The following CFAP96 variants were observed in gnomAD, a reference collection of about 807,000 sequenced individuals.
CFAP96 encodes the protein cilia-and flagella-associated protein 96.
the CFAP96 span, among the ~76,000 whole-genome samples, chr4:185,434,232 C>CA: frequency 1.3e-5 from 2 of 151,710 alleles, no homozygotes; most frequent in Admixed American, 6.6e-5. Flanking sequence ...TGAAAAAAAA[C>CA]AAAAAAATAA....
chr4:185,416,991 AAAGT>A, the CFAP96 span, among the ~76,000 whole-genome samples: 2 of 152,224 alleles, frequency 1.3e-5, no homozygotes, highest in East Asian at 3.8e-4. Flanking sequence ...GATGAGGACT[AAAGT>A]AAGATACATA....
At chr4:185,416,153 A>G in the CFAP96 span, 22 of 209,504 alleles carry the variant, frequency 1.1e-4, no homozygotes, top group East Asian at 2.3e-3. Flanking sequence ...AAGCACAAAT[A>G]TTATTTTAAA....
chr4:185,432,197 A>G, the CFAP96 span: 1 of 1,550,534 alleles, frequency 6.4e-7, no homozygotes, highest in Non-Finnish European at 8.7e-7. Context: ...TGGAGAGAAA[A>G]AGCCGTAAGT....
chr4:185,426,146 G>A, the CFAP96 span: 2 of 522,416 alleles, frequency 3.8e-6, no homozygotes, highest in Non-Finnish European at 6.9e-6. Context: ...TGTGTTCTTC[G>A]ATGCGGATTC....
the CFAP96 span, among the ~76,000 whole-genome samples, chr4:185,448,109 C>T: frequency 6.6e-6 from 1 of 151,416 alleles, no homozygotes; most frequent in African/African-American, 2.4e-5. Flanking sequence ...CAACCTCTGC[C>T]TCCCAGGTTC....
chr4:185,434,263 C>G, the CFAP96 span, among the ~76,000 whole-genome samples: 1 of 152,072 alleles, frequency 6.6e-6, no homozygotes, highest in African/African-American at 2.4e-5. Context: ...GGGTTTTCTT[C>G]TTTAATTTCA....
At chr4:185,415,336 A>G in the CFAP96 span, 1 of 1,584,148 alleles carries the variant, frequency 6.3e-7, no homozygotes, top group South Asian at 1.2e-5. Flanking sequence ...ATCAACCAGG[A>G]GTTTACGAAC....
chr4:185,430,993 CA>C, the CFAP96 span, among the ~76,000 whole-genome samples: 1 of 151,968 alleles, frequency 6.6e-6, no homozygotes, highest in South Asian at 2.1e-4. Context: ...GGGTGGATCA[CA>C]AGGTCAGGAG....
chr4:185,440,672 A>T, the CFAP96 span: 1 of 1,505,102 alleles, frequency 6.6e-7, no homozygotes, highest in South Asian at 1.2e-5. Flanking sequence ...AGAAGAGAAG[A>T]AGAAAACAAT....
chr4:185,412,011 T>G, the CFAP96 span, among the ~76,000 whole-genome samples: 1 of 152,194 alleles, frequency 6.6e-6, no homozygotes, highest in Admixed American at 6.5e-5. Flanking sequence ...TAATAGTTCC[T>G]CCTGGAACTG....
the CFAP96 span, among the ~76,000 whole-genome samples, chr4:185,446,985 C>T: frequency 6.6e-6 from 1 of 152,046 alleles, no homozygotes; most frequent in Admixed American, 6.6e-5. Context: ...ACCTACTCTA[C>T]TACATTGCTG....
At chr4:185,410,509 C>T in the CFAP96 span, among the ~76,000 whole-genome samples, 5 of 151,958 alleles carry the variant, frequency 3.3e-5, no homozygotes, top group South Asian at 4.2e-4. Context: ...ATTAGCCAGG[C>T]GTATGGCTAT....
chr4:185,443,340 A>T, the CFAP96 span, among the ~76,000 whole-genome samples: 3,802 of 28,332 alleles, frequency 0.13, 150 homozygotes, highest in East Asian at 0.42. Flanking sequence ...ATATATATAT[A>T]TATTTTTTTT....
chr4:185,412,753 G>A, the CFAP96 span, among the ~76,000 whole-genome samples: 1 of 152,070 alleles, frequency 6.6e-6, no homozygotes, highest in African/African-American at 2.4e-5. Flanking sequence ...ATGCCACCAA[G>A]GTATCCACGG....
the CFAP96 span, among the ~76,000 whole-genome samples, chr4:185,425,236 T>C: frequency 1.3e-5 from 2 of 151,794 alleles, no homozygotes; most frequent in Admixed American, 6.6e-5. Context: ...ATCTACAGAG[T>C]TGGGGGTTCC....
chr4:185,425,173 T>G, the CFAP96 span, among the ~76,000 whole-genome samples: 2 of 152,116 alleles, frequency 1.3e-5, no homozygotes, highest in Non-Finnish European at 2.9e-5. Context: ...GAGGGAGATG[T>G]CAAGGATGAT....
the CFAP96 span, among the ~76,000 whole-genome samples, chr4:185,418,085 G>C: frequency 1.4e-4 from 5 of 36,106 alleles, no homozygotes; most frequent in Non-Finnish European, 2.4e-4. Flanking sequence ...AGAACCAAGA[G>C]TAGTGTGAAG....
At chr4:185,433,832 G>T in the CFAP96 span, among the ~76,000 whole-genome samples, 1 of 151,754 alleles carries the variant, frequency 6.6e-6, no homozygotes, top group East Asian at 1.9e-4. Flanking sequence ...AACCCAGGAG[G>T]CGGAGGCTGC....
the CFAP96 span, chr4:185,440,624 C>T: frequency 6.5e-7 from 1 of 1,529,882 alleles, no homozygotes; most frequent in Non-Finnish European, 8.8e-7. Context: ...TGACGCTAAT[C>T]CTTATTTTTC....
Sources: gnomAD v4.1 joint callset for allele counts (sites outside exome capture counted in the v4.1 genomes callset) on GRCh38, gnomAD v4.1.1 for gene constraint, MANE v1.5 for transcripts, NCBI Gene and HGNC (gene_info 2026-07-23, HGNC 2026-07-21) for gene names.